The following NIPAL2 variants were observed in gnomAD, a reference collection of about 807,000 sequenced individuals.
NIPAL2 encodes the protein NIPA-like protein 2.
NIPAL2 carries 43 observed loss-of-function variants against 48.9 expected under a neutral mutation model. The observed-to-expected ratio is 0.88, with a 90% CI of 0.69 to 1.13. The LOEUF (loss-of-function observed/expected upper bound fraction) is 1.13, where lower values mean the gene tolerates loss of function less well. Among genes scored for constraint, NIPAL2 ranks in the 50% most tolerant of loss-of-function variants. NIPAL2 has a pLI of 0.00. For synonymous variants in NIPAL2, 167 were observed against 174.6 expected, an observed-to-expected ratio of 0.96 and a Z score of 0.34; for missense variants, 446 against 461.4, an observed-to-expected ratio of 0.97 and a Z score of 0.31.
intron 5 of NIPAL2, among the ~76,000 whole-genome samples, chr8:98,216,024 C>T (rs1314146460): frequency 6.6e-6 from 1 of 152,122 alleles, no homozygotes; most frequent in African/African-American, 2.4e-5. Flanking sequence ...TATCTGAGCC[C>T]GATTTGACCT....
chr8:98,206,718 G>A (rs2447493), intron 6 of NIPAL2, among the ~76,000 whole-genome samples: 1 of 148,582 alleles, frequency 6.7e-6, no homozygotes. Context: ...AACCCAGGAG[G>A]CGGAGTTCGC....
At chr8:98,275,804 C>T (rs1378046214) in intron 1 of NIPAL2, among the ~76,000 whole-genome samples, 1 of 152,152 alleles carries the variant, frequency 6.6e-6, no homozygotes, top group African/African-American at 2.4e-5. Context: ...GCCTCCTGAG[C>T]ATTATAAAAG....
At chr8:98,221,890 T>C (rs1351483480) in intron 5 of NIPAL2, among the ~76,000 whole-genome samples, 2 of 152,198 alleles carry the variant, frequency 1.3e-5, no homozygotes, top group Non-Finnish European at 2.9e-5. Flanking sequence ...TCCTCAAGGA[T>C]CTAGAACTAG....
At chr8:98,277,832 T>C (rs1815565198) in intron 1 of NIPAL2, among the ~76,000 whole-genome samples, 1 of 152,236 alleles carries the variant, frequency 6.6e-6, no homozygotes, top group Admixed American at 6.5e-5. Context: ...TATGTAATAT[T>C]CCATTGCAAG....
At chr8:98,269,184 C>T (rs1039096199) in intron 1 of NIPAL2, among the ~76,000 whole-genome samples, 1 of 152,166 alleles carries the variant, frequency 6.6e-6, no homozygotes, top group Non-Finnish European at 1.5e-5. Context: ...TCAACTTCTT[C>T]CAAATTCCTG....
intron 1 of NIPAL2, among the ~76,000 whole-genome samples, chr8:98,262,321 G>C (rs1188414401): frequency 1.3e-5 from 2 of 149,406 alleles, no homozygotes. Context: ...CCAATTAAAA[G>C]ACACAGACTG....
chr8:98,227,938 G>A (rs1379169416), intron 4 of NIPAL2, among the ~76,000 whole-genome samples: 4 of 152,180 alleles, frequency 2.6e-5, no homozygotes, highest in Non-Finnish European at 1.5e-5. Context: ...ACACCTCTGG[G>A]GTGGTTGATT....
At chr8:98,222,870 A>G (rs1811975575) in intron 4 of NIPAL2, among the ~76,000 whole-genome samples, 1 of 152,224 alleles carries the variant, frequency 6.6e-6, no homozygotes, top group Non-Finnish European at 1.5e-5. Context: ...TCTTCAGGGA[A>G]ACTTTCCCCA....
chr8:98,277,743 A>G (rs2130892784), intron 1 of NIPAL2, among the ~76,000 whole-genome samples: 1 of 152,188 alleles, frequency 6.6e-6, no homozygotes, highest in East Asian at 1.9e-4. Flanking sequence ...TACTTAGCAT[A>G]ATGTTTTCAA....
At chr8:98,201,518 G>A (rs1460330668) in intron 8 of NIPAL2, among the ~76,000 whole-genome samples, 1 of 152,088 alleles carries the variant, frequency 6.6e-6, no homozygotes. Context: ...CTGAGTAGCT[G>A]GGAATACAGG....
rs1310992268 is a variant in NIPAL2, at chr8:98,190,117, A to G, written c.*2861T>C. 6.6e-6 allele frequency: 1 copy of G among 152,240 alleles called. No homozygotes were observed. Among genetic ancestry groups the G allele is most frequent in the African/African-American group, 2.4e-5 (1 of 41,458 alleles). The allele number at this position is 152,240 out of a possible 1,614,324, so 9.4% of individuals were successfully genotyped here. On this transcript the variant is annotated 3_prime_UTR_variant, in exon 11 of 11. Coordinates refer to ENST00000430223, the MANE Select transcript of NIPAL2 (RefSeq NM_001321635.2). ...CTTATCACTTCCATTTAGAACTTAT[A>G]TAAGCAAAAATATCTGAAGGCAAAT...
intron 4 of NIPAL2, among the ~76,000 whole-genome samples, chr8:98,234,396 C>T (rs983300902): frequency 2.0e-5 from 3 of 152,110 alleles, no homozygotes; most frequent in Non-Finnish European, 4.4e-5. Flanking sequence ...TCATTAAATA[C>T]CTTAGATTAA....
chr8:98,198,862 A>T (rs1810678041), intron 8 of NIPAL2, among the ~76,000 whole-genome samples: 1 of 152,202 alleles, frequency 6.6e-6, no homozygotes, highest in Non-Finnish European at 1.5e-5. Context: ...CCTTTATATC[A>T]GTGATAAGGT....
intron 4 of NIPAL2, among the ~76,000 whole-genome samples, chr8:98,224,388 T>C (rs972474468): frequency 1.3e-5 from 2 of 151,368 alleles, no homozygotes; most frequent in African/African-American, 4.9e-5. Context: ...TGTATCTTGC[T>C]TTTTTTTTCT....
At chr8:98,202,987 A>G (rs1810873575) in intron 8 of NIPAL2, 121 bp downstream of exon 8, 4 of 731,318 alleles carry the variant, frequency 5.5e-6, no homozygotes, top group Middle Eastern at 3.1e-4. Flanking sequence ...GGGGAAATTC[A>G]GACACCAGGT....
chr8:98,214,523 A>G (rs1423658037), intron 5 of NIPAL2, among the ~76,000 whole-genome samples: 1 of 151,864 alleles, frequency 6.6e-6, no homozygotes, highest in Non-Finnish European at 1.5e-5. Context: ...ATGAATGTTT[A>G]CTTATCTAAC....
At chr8:98,293,971 C>A in intron 1 of NIPAL2, 32 bp downstream of exon 1, 1 of 1,410,016 alleles carries the variant, frequency 7.1e-7, no homozygotes. Flanking sequence ...CGCGTCCCCA[C>A]CGGGCTGCGG....
At position 98,203,106 on chromosome 8, in the gene NIPAL2, A is replaced by G. The variant is rs750587443; in HGVS notation, c.880+2T>C. On this transcript the variant is annotated splice_donor_variant, in intron 8 of 10. Transcript: ENST00000430223. LOFTEE classifies it high-confidence loss of function. The stretch of plus-strand genomic sequence containing the variant: ...ACCAATGTATAGAAAACCAAAACTC[A>G]CCTGCAATGATGGCACTGATTGTAA... 7 of 1,610,716 alleles carry G rather than the reference A, an allele frequency of 4.3e-6. No homozygotes were observed. In the Admixed American group the frequency reaches 1.0e-4, roughly 23 times the overall value.
chr8:98,217,010 C>T, intron 5 of NIPAL2: 1 of 952,522 alleles, frequency 1.0e-6, no homozygotes, highest in Non-Finnish European at 1.3e-6. Context: ...ATTTCTCAGA[C>T]AGGCCATGTT....
Sources: gnomAD v4.1 joint callset for allele counts (sites outside exome capture counted in the v4.1 genomes callset) on GRCh38, gnomAD v4.1.1 for gene constraint, MANE v1.5 for transcripts, NCBI Gene and HGNC (gene_info 2026-07-23, HGNC 2026-07-21) for gene names.